Variants in CAMSAP1 observed in about 807,000 individuals in gnomAD.
CAMSAP1 encodes calmodulin-regulated spectrin-associated protein 1.
Under a neutral mutation model 143.5 loss-of-function variants are expected in CAMSAP1, and 58 were observed. The ratio of observed to expected loss-of-function variants is 0.40; its 90% CI spans 0.33 to 0.50. The LOEUF (loss-of-function observed/expected upper bound fraction) is 0.50. CAMSAP1 is among the 20% of genes least tolerant of loss of function. The pLI is 0.45. For synonymous variants in CAMSAP1, 945 were observed against 859.3 expected, an observed-to-expected ratio of 1.10 and a Z score of -1.74; for missense variants, 1,969 against 2,115.7, an observed-to-expected ratio of 0.93 and a Z score of 1.36.
At chr9:135,864,565 C>T (rs1488475931) in intron 4 of CAMSAP1, among the ~76,000 whole-genome samples, 3 of 152,138 alleles carry the variant, frequency 2.0e-5, no homozygotes, top group Admixed American at 6.6e-5. Context: ...CAAAAGTTCC[C>T]GAGAAAGGCA....
At position 135,821,372 on chromosome 9, in the gene CAMSAP1, G is replaced by C; in HGVS notation, c.3289C>G (p.Arg1097Gly). The C allele has an allele frequency of 6.2e-7, 1 of 1,613,756 alleles. No homozygotes were observed. Among genetic ancestry groups the C allele is most frequent in the Non-Finnish European group, 8.5e-7 (1 of 1,179,792 alleles). The change falls in exon 11 of 17, where the codon CGG (arginine) becomes GGG (glycine). Residue 1097 changes from arginine (R) to glycine (G), a missense_variant. Physicochemically the swap from Arg to Gly is moderately radical, Grantham distance 125. Around this residue, in one of 4 missense-constraint regions of CAMSAP1, gnomAD observed 1,390 missense variants for 1,420.8 expected, o/e 0.98. Coordinates refer to ENST00000389532, the MANE Select transcript of CAMSAP1 (RefSeq NM_015447.4). The surrounding 1 kb of genome is among the most constrained non-coding windows in gnomAD (Gnocchi z 4.6). ...HRKAPRLGQGRNSRSGRPAEL... is the reference protein window; with the variant it reads ...HRKAPRLGQGGNSRSGRPAEL... ...GCCGGCCTTCCGGAACGGGAATTCC[G>C]GCCTTGACCCAGCCGGGGGGCTTTG...
At chr9:135,855,824 G>A (rs896244306) in intron 5 of CAMSAP1, among the ~76,000 whole-genome samples, 14 of 151,494 alleles carry the variant, frequency 9.2e-5, no homozygotes, top group Admixed American at 2.6e-4. Context: ...AGGCCGAGGC[G>A]GGCGGATCAC....
At chr9:135,888,143 C>T (rs1838182571) in intron 1 of CAMSAP1, among the ~76,000 whole-genome samples, 1 of 152,194 alleles carries the variant, frequency 6.6e-6, no homozygotes, top group Non-Finnish European at 1.5e-5. Context: ...TTACTGGATC[C>T]CTCTGAACCC....
chr9:135,876,535 G>A (rs535014987), intron 3 of CAMSAP1, among the ~76,000 whole-genome samples: 5 of 152,266 alleles, frequency 3.3e-5, no homozygotes, highest in East Asian at 3.9e-4. Context: ...GAGAAAAGAC[G>A]GACTGTAACA....
intron 1 of CAMSAP1, among the ~76,000 whole-genome samples, chr9:135,904,404 A>C (rs1461642940): frequency 6.8e-6 from 1 of 146,694 alleles, no homozygotes; most frequent in Non-Finnish European, 1.5e-5. Context: ...GTCCTCCACA[A>C]AAAAAAAAAA....
chr9:135,850,091 G>A (rs369212637), intron 7 of CAMSAP1, 46 bp downstream of exon 7: 28 of 1,469,428 alleles, frequency 1.9e-5, no homozygotes, highest in Non-Finnish European at 2.2e-5. Context: ...GATACTCTAG[G>A]CTCTCAAGGA....
At chr9:135,877,133 T>C (rs1837777800) in intron 3 of CAMSAP1, among the ~76,000 whole-genome samples, 1 of 152,122 alleles carries the variant, frequency 6.6e-6, no homozygotes, top group Non-Finnish European at 1.5e-5. Flanking sequence ...AACCATGGTA[T>C]ATGCACACGA....
intron 8 of CAMSAP1, among the ~76,000 whole-genome samples, chr9:135,825,118 C>G (rs1339482652): frequency 6.6e-6 from 1 of 152,182 alleles, no homozygotes; most frequent in African/African-American, 2.4e-5. Flanking sequence ...ACAACACAAC[C>G]AGCTTCCCAC....
Position 135,883,002 on chromosome 9 carries a change from G to C in CAMSAP1, c.237C>G (p.Ile79Met). ...YEQEHIKPPVIKLLLSSELYC... is the reference protein window; with the variant it reads ...YEQEHIKPPVMKLLLSSELYC... ...ACAGCTCGCTGGACAGGAGAAGCTTGATAACAGGCGGCTTAATGTGCTCCT... is the reference window on the plus strand; with the variant it reads ...ACAGCTCGCTGGACAGGAGAAGCTTCATAACAGGCGGCTTAATGTGCTCCT... The change falls in exon 2 of 17, where the codon ATC (isoleucine) becomes ATG (methionine). Residue 79 changes from isoleucine (I) to methionine (M), a missense_variant. Transcript: ENST00000389532. The C allele has an allele frequency of 1.9e-6, 3 of 1,551,750 alleles. No homozygotes were observed. The highest frequency in any genetic ancestry group is 2.6e-6 in the Non-Finnish European group (3 of 1,147,002).
chr9:135,851,293 A>G (rs1484010082), intron 5 of CAMSAP1, among the ~76,000 whole-genome samples: 4 of 152,236 alleles, frequency 2.6e-5, no homozygotes, highest in Non-Finnish European at 5.9e-5. Flanking sequence ...TTTCTAAGGA[A>G]AAAACCATTT....
chr9:135,822,375 G>C lies in CAMSAP1; in HGVS notation c.2286C>G (p.Ser762Arg). Residue 762 changes from serine to arginine, a missense_variant, in exon 11 of 17, where the codon AGC becomes AGG. Ser to Arg is a moderately radical substitution (Grantham distance 110, BLOSUM62 -1). Transcript: ENST00000389532. The surrounding 1 kb of genome is among the most constrained non-coding windows in gnomAD (Gnocchi z 6.1). ...CCGACTCTTCCTCCCCAATGTATCT[G>C]CTGAAAACCACAGGATGGGCCTCAC... is the stretch of plus-strand genomic sequence containing the variant. The part of the protein sequence containing the change: ...FMGEAHPVVF[S>R]RYIGEEESAK... The C allele has an allele frequency of 1.2e-6, 2 of 1,613,962 alleles. No homozygotes were observed. Among genetic ancestry groups the C allele is most frequent in the Non-Finnish European group, 1.7e-6 (2 of 1,179,896 alleles).
intron 7 of CAMSAP1, among the ~76,000 whole-genome samples, chr9:135,828,032 G>T (rs1009915209): frequency 3.3e-5 from 5 of 152,274 alleles, no homozygotes; most frequent in South Asian, 2.1e-4. Context: ...GACCGAGGCA[G>T]GGTCAGAAGG....
In CAMSAP1 at chr9:135,812,516, G is replaced by C. The variant is rs140688290; in HGVS notation, c.4507-905C>G. Among the ~76,000 whole-genome samples, 526 of 151,962 alleles carry C rather than the reference G, an allele frequency of 3.5e-3. 3 individuals carry two copies. The highest frequency in any genetic ancestry group is 0.014 in the Middle Eastern group (4 of 294). On this transcript the variant is annotated intron_variant, in intron 16 of 16. Coordinates refer to ENST00000389532, the MANE Select transcript of CAMSAP1 (RefSeq NM_015447.4). ...AGAGCTTGGGCGCGGGAAGACTTAGGGGGGTGACTGTTCACGGGCGTGGAG... is the reference window on the plus strand; with the variant it reads ...AGAGCTTGGGCGCGGGAAGACTTAGCGGGGTGACTGTTCACGGGCGTGGAG...
intron 7 of CAMSAP1, among the ~76,000 whole-genome samples, chr9:135,847,539 G>C (rs1398005801): frequency 6.6e-6 from 1 of 151,354 alleles, no homozygotes; most frequent in Non-Finnish European, 1.5e-5. Context: ...AAAAGGATGA[G>C]TTCATATCCT....
intron 3 of CAMSAP1, among the ~76,000 whole-genome samples, chr9:135,873,221 T>C (rs1264243519): frequency 6.6e-6 from 1 of 152,134 alleles, no homozygotes; most frequent in African/African-American, 2.4e-5. Flanking sequence ...ATCTGACTTC[T>C]AGATAACCCA....
chr9:135,828,531 A>T (rs1350737598), intron 7 of CAMSAP1, among the ~76,000 whole-genome samples: 1 of 152,234 alleles, frequency 6.6e-6, no homozygotes, highest in Non-Finnish European at 1.5e-5. Context: ...CCCCAACCCA[A>T]GAAGGCTGCA....
At chr9:135,835,475 C>T (rs1006102183) in intron 7 of CAMSAP1, among the ~76,000 whole-genome samples, 1 of 152,174 alleles carries the variant, frequency 6.6e-6, no homozygotes, top group Non-Finnish European at 1.5e-5. Flanking sequence ...GCTGGAGGGG[C>T]GGCCATGGGG....
intron 1 of CAMSAP1, among the ~76,000 whole-genome samples, chr9:135,904,964 CAAAA>C (rs1299738351): frequency 9.3e-6 from 1 of 107,850 alleles, no homozygotes. Flanking sequence ...GACTCCGTCT[CAAAA>C]AAAAAAAAAA....
intron 7 of CAMSAP1, among the ~76,000 whole-genome samples, chr9:135,831,933 A>AAGAGATTGAAG (rs1835874655): frequency 6.6e-6 from 1 of 152,206 alleles, no homozygotes; most frequent in Non-Finnish European, 1.5e-5. Flanking sequence ...GTAATAAATA[A>AAGAGATTGAAG]AGAGATTGAA....
Sources: gnomAD v4.1 joint callset for allele counts (sites outside exome capture counted in the v4.1 genomes callset) on GRCh38, gnomAD v4.1.1 for gene constraint, gnomAD v4.1.1 regional missense constraint, Gnocchi (gnomAD v3.1) non-coding constraint, MANE v1.5 for transcripts, NCBI Gene and HGNC (gene_info 2026-07-23, HGNC 2026-07-21) for gene names.